The following CDH18 variants were observed in gnomAD, a reference collection of about 807,000 sequenced individuals.
CDH18 encodes cadherin-18.
Under a neutral mutation model 67.9 loss-of-function variants are expected in CDH18, and 31 were observed. The ratio of observed to expected loss-of-function variants is 0.46; its 90% CI spans 0.34 to 0.62. The LOEUF (loss-of-function observed/expected upper bound fraction) is 0.62. CDH18 is among the 20% of genes least tolerant of loss of function. The pLI is 0.01. For missense variants in CDH18, 890 were observed against 975.5 expected (o/e 0.91, Z 1.17); for synonymous variants, 362 against 347.2 (o/e 1.04, Z -0.48).
intron 1 of CDH18, among the ~76,000 whole-genome samples, chr5:20,386,944 A>C (rs2150108968): frequency 6.6e-6 from 1 of 152,172 alleles, no homozygotes; most frequent in South Asian, 2.1e-4. Flanking sequence ...TTCATACATT[A>C]TGTATTTTGG....
chr5:20,024,887 C>T (rs1366181488), intron 2 of CDH18, among the ~76,000 whole-genome samples: 1 of 152,072 alleles, frequency 6.6e-6, no homozygotes, highest in African/African-American at 2.4e-5. Context: ...GATTTGAATA[C>T]TGAAAGGAGC....
chr5:20,241,381 G>A (rs1415032942), intron 2 of CDH18, among the ~76,000 whole-genome samples: 1 of 152,056 alleles, frequency 6.6e-6, no homozygotes, highest in Non-Finnish European at 1.5e-5. Context: ...GAGAGGCTTG[G>A]TGGAGTGCCT....
At chr5:20,343,639 C>T (rs1740453007) in intron 1 of CDH18, among the ~76,000 whole-genome samples, 1 of 152,138 alleles carries the variant, frequency 6.6e-6, no homozygotes, top group Admixed American at 6.6e-5. Context: ...TGAAAGCACA[C>T]CTCTCTCACT....
chr5:19,582,746 T>C (rs1190840849), intron 7 of CDH18, among the ~76,000 whole-genome samples: 1 of 152,016 alleles, frequency 6.6e-6, no homozygotes, highest in Admixed American at 6.6e-5. Flanking sequence ...TGTGTGATTA[T>C]TCACAATGGG....
At chr5:19,495,610 C>T (rs1305274647) in intron 11 of CDH18, among the ~76,000 whole-genome samples, 1 of 149,266 alleles carries the variant, frequency 6.7e-6, no homozygotes, top group Non-Finnish European at 1.5e-5. Flanking sequence ...CGTGGTGGCA[C>T]ATGCCTGTAA....
intron 2 of CDH18, among the ~76,000 whole-genome samples, chr5:20,223,830 T>C (rs1051695072): frequency 3.3e-5 from 5 of 152,290 alleles, no homozygotes; most frequent in South Asian, 2.1e-4. Context: ...AACGTGACTT[T>C]GCTCCTCATT....
intron 2 of CDH18, among the ~76,000 whole-genome samples, chr5:20,109,071 C>T (rs1747232890): frequency 6.6e-6 from 1 of 152,160 alleles, no homozygotes; most frequent in Non-Finnish European, 1.5e-5. Flanking sequence ...AGAAGCTTTG[C>T]TGTGCTTAAT....
chr5:20,284,763 A>G (rs777649129), intron 1 of CDH18, among the ~76,000 whole-genome samples: 4 of 151,930 alleles, frequency 2.6e-5, no homozygotes, highest in African/African-American at 4.8e-5. Context: ...TATGGATTCA[A>G]TCATCAGAGA....
intron 1 of CDH18, among the ~76,000 whole-genome samples, chr5:20,466,353 A>G (rs1378234367): frequency 6.6e-6 from 1 of 152,056 alleles, no homozygotes; most frequent in Non-Finnish European, 1.5e-5. Flanking sequence ...CATGATTTCC[A>G]TTGTTATTTC....
At chr5:19,844,829 T>C (rs1019946423) in intron 2 of CDH18, among the ~76,000 whole-genome samples, 12 of 152,176 alleles carry the variant, frequency 7.9e-5, no homozygotes, top group Admixed American at 2.0e-4. Context: ...ATATAATTTC[T>C]AGCTGTCTAA....
intron 8 of CDH18, among the ~76,000 whole-genome samples, chr5:19,553,853 T>C (rs1234442327): frequency 6.6e-6 from 1 of 151,892 alleles, no homozygotes; most frequent in Non-Finnish European, 1.5e-5. Context: ...AGGCTGGTAT[T>C]GAACTCCTGA....
chr5:19,776,875 A>T (rs1415036087), intron 3 of CDH18, among the ~76,000 whole-genome samples: 1 of 152,216 alleles, frequency 6.6e-6, no homozygotes, highest in Non-Finnish European at 1.5e-5. Flanking sequence ...AATAGGGATA[A>T]AATGAAATGC....
chr5:20,154,330 C>T lies in CDH18; in HGVS notation c.-518+101114G>A, dbSNP rs189218865. Among the ~76,000 whole-genome samples the T allele has an allele frequency of 1.8e-3, 275 of 151,800 alleles. 1 individual carries two copies. Among genetic ancestry groups the T allele is most frequent in the African/African-American group, 6.1e-3 (250 of 41,134 alleles). ...CTGCCTTTTCAATTTTAATATTCTG[C>T]CAACACTTTAGTAACACCATATCTA... On this transcript the variant is annotated intron_variant, in intron 2 of 14. Coordinates refer to the CDH18 transcript ENST00000507958.
At chr5:20,131,754 A>ATT (rs1281565609) in intron 2 of CDH18, among the ~76,000 whole-genome samples, 10 of 152,316 alleles carry the variant, frequency 6.6e-5, no homozygotes, top group African/African-American at 2.4e-4. Flanking sequence ...TGGTTGTATA[A>ATT]CTACACCACT....
At chr5:20,336,455 G>A (rs1488082758) in intron 1 of CDH18, among the ~76,000 whole-genome samples, 1 of 152,104 alleles carries the variant, frequency 6.6e-6, no homozygotes, top group Admixed American at 6.5e-5. Flanking sequence ...GGGCGCAGTG[G>A]TTCATGCCTG....
chr5:19,680,895 A>C (rs1023261869), intron 5 of CDH18, among the ~76,000 whole-genome samples: 2 of 152,076 alleles, frequency 1.3e-5, no homozygotes, highest in East Asian at 3.9e-4. Context: ...CATTCAACCA[A>C]ACAATCCCAT....
intron 4 of CDH18, among the ~76,000 whole-genome samples, chr5:19,735,061 G>A (rs1768125410): frequency 6.6e-6 from 1 of 152,154 alleles, no homozygotes; most frequent in Non-Finnish European, 1.5e-5. Context: ...TAACACAGGT[G>A]AGTGTTTGCA....
At chr5:20,403,956 A>G (rs1216402437) in intron 1 of CDH18, among the ~76,000 whole-genome samples, 2 of 152,204 alleles carry the variant, frequency 1.3e-5, no homozygotes, top group African/African-American at 4.8e-5. Flanking sequence ...AACCATTTTC[A>G]TCAAAGATCT....
chr5:20,267,140 G>A (rs1745102265), intron 1 of CDH18, among the ~76,000 whole-genome samples: 1 of 152,182 alleles, frequency 6.6e-6, no homozygotes, highest in Non-Finnish European at 1.5e-5. Context: ...GTGTGAAATA[G>A]GGGTTCAGTT....
Sources: gnomAD v4.1 joint callset for allele counts (sites outside exome capture counted in the v4.1 genomes callset) on GRCh38, gnomAD v4.1.1 for gene constraint, MANE v1.5 for transcripts, NCBI Gene and HGNC (gene_info 2026-07-23, HGNC 2026-07-21) for gene names.